GSDME: variants seen among roughly 807,000 people sequenced by gnomAD.
The protein encoded by GSDME is gasdermin-E.
Under a neutral mutation model 47.5 loss-of-function variants are expected in GSDME, and 44 were observed. The observed-to-expected ratio is 0.93, with a 90% CI of 0.73 to 1.19. GSDME has a LOEUF of 1.19. Among genes scored for constraint, GSDME ranks in the 50% most tolerant of loss-of-function variants. The pLI is 0.00. For missense variants in GSDME, 663 were observed against 604.2 expected, an observed-to-expected ratio of 1.10 and a Z score of -1.02; for synonymous variants, 258 against 252.8, an observed-to-expected ratio of 1.02 and a Z score of -0.20.
Position 24,745,530 on chromosome 7 carries a change from G to A in GSDME, c.212-776C>T, listed in dbSNP as rs1790641804. ...ACATGCCCTTTTTAAAATGATAAAT[G>A]TCTGATCTCATATCTGAACTGTCAG... On this transcript the variant is annotated intron_variant, in intron 2 of 9. Coordinates refer to ENST00000645220, the MANE Select transcript of GSDME (RefSeq NM_001127453.2). The surrounding 1 kb of genome is among the most constrained non-coding windows in gnomAD (Gnocchi z 4.4). Among the ~76,000 whole-genome samples the A allele has an allele frequency of 6.6e-6, 1 of 152,148 alleles. No homozygotes were observed. The highest frequency in any genetic ancestry group is 2.1e-4 in the South Asian group (1 of 4,830).
the GSDME span, among the ~76,000 whole-genome samples, chr7:24,766,409 C>T: frequency 6.6e-6 from 1 of 151,886 alleles, no homozygotes; most frequent in Non-Finnish European, 1.5e-5. This position sits in a 1 kb window ranked among gnomAD's most constrained non-coding sequence, Gnocchi z 4.2. Flanking sequence ...ACCCATCAAC[C>T]CATCATCTAC....
chr7:24,726,352 AGAGACACAG>A lies in GSDME; in HGVS notation c.405-7143_405-7135del, dbSNP rs1002382996. On this transcript the variant is annotated intron_variant, in intron 3 of 9. Transcript: ENST00000645220. This position sits in a 1 kb window ranked among gnomAD's most constrained non-coding sequence, Gnocchi z 5.6. ...AGGAGGTCCCGGGGATGCCTCCTGC[AGAGACACAG>A]GAGGGCGAGCTTTGTCATGCAGACC... Among the ~76,000 whole-genome samples, 1 of 152,192 alleles carries A rather than the reference AGAGACACAG, an allele frequency of 6.6e-6. No individual in the cohort carries two copies. The highest frequency in any genetic ancestry group is 2.4e-5 in the African/African-American group (1 of 41,430).
rs1327466189 is a variant in GSDME, at chr7:24,710,261, T to G, written c.825A>C (p.Ile275=). The G allele has an allele frequency of 6.2e-7, 1 of 1,614,038 alleles. No individual in the cohort carries two copies. The highest frequency in any genetic ancestry group is 8.5e-7 in the Non-Finnish European group (1 of 1,180,038). Residue 275 remains isoleucine (I), a synonymous_variant, in exon 6 of 10, where the codon ATA becomes ATC. Transcript: ENST00000645220. ...FIDMPDAAHG[I]SSQDGPLSVL... ...CACTTAATGGTCCATCCTGGGAAGA[T>G]ATCCCATGCGCAGCATCTGGCATGT...
In GSDME at chr7:24,706,306, T is replaced by G. The variant is rs573258363; in HGVS notation, c.1061A>C (p.Gln354Pro). 3.3e-5 allele frequency: 54 copies of G among 1,613,892 alleles called. No individual in the cohort carries two copies. The highest frequency in any genetic ancestry group is 3.4e-4 in the Middle Eastern group (2 of 5,950). The change falls in exon 8 of 10, where the codon CAG (glutamine) becomes CCG (proline). Residue 354 changes from glutamine (Q) to proline (P), a missense_variant. Coordinates refer to ENST00000645220, the MANE Select transcript of GSDME (RefSeq NM_001127453.2). ...CAGCTGCAGGAAGGCCACAAGGTCC[T>G]GCTGCTGCCGGGGCTTCAGCTCCCC... ...VLGELKPRQQ[Q>P]DLVAFLQLVG...
chr7:24,716,088 G>T lies in GSDME; in HGVS notation c.697+1166C>A, dbSNP rs1789542148. ...CGAGGGCAGGAGCTGTCTCACGGGA[G>T]ACTGCCCCCCACCCGCCTTCCACAA... On this transcript the variant is annotated intron_variant, in intron 5 of 9. Coordinates refer to ENST00000645220, the MANE Select transcript of GSDME (RefSeq NM_001127453.2). This position sits in a 1 kb window ranked among gnomAD's most constrained non-coding sequence, Gnocchi z 4.5. Among the ~76,000 whole-genome samples, 1 of 152,238 alleles carries T rather than the reference G, an allele frequency of 6.6e-6. No homozygotes were observed. Among genetic ancestry groups the T allele is most frequent in the South Asian group, 2.1e-4 (1 of 4,830 alleles).
Position 24,726,881 on chromosome 7 carries a change from C to T in GSDME, c.405-7663G>A, listed in dbSNP as rs902781752. ...ACCCTGGGGAGCCTGGTAAGGCTCTCCAAACCCCAGGGGACATCATGACAG... is the reference window on the plus strand; with the variant it reads ...ACCCTGGGGAGCCTGGTAAGGCTCTTCAAACCCCAGGGGACATCATGACAG... On this transcript the variant is annotated intron_variant, in intron 3 of 9. Coordinates refer to ENST00000645220, the MANE Select transcript of GSDME (RefSeq NM_001127453.2). The surrounding 1 kb of genome is among the most constrained non-coding windows in gnomAD (Gnocchi z 5.6). 6.6e-6 allele frequency among the ~76,000 whole-genome samples: 1 copy of T among 151,680 alleles called. No homozygotes were observed. Among genetic ancestry groups the T allele is most frequent in the South Asian group, 2.1e-4 (1 of 4,786 alleles).
the GSDME span, among the ~76,000 whole-genome samples, chr7:24,790,259 T>G: frequency 6.6e-6 from 1 of 152,252 alleles, no homozygotes; most frequent in Non-Finnish European, 1.5e-5. This position sits in a 1 kb window ranked among gnomAD's most constrained non-coding sequence, Gnocchi z 4.1. Context: ...TGATTATTTC[T>G]AAGACAGCTT....
rs746912816 is a variant in GSDME at position 24,708,202 on chromosome 7, T to A, written c.915A>T (p.Pro305=). 2 of 1,614,174 alleles carry A rather than the reference T, an allele frequency of 1.2e-6. No homozygotes were observed. Among genetic ancestry groups the A allele is most frequent in the Non-Finnish European group, 1.7e-6 (2 of 1,180,026 alleles). Residue 305 remains proline, a synonymous_variant, in exon 7 of 10, where the codon CCA becomes CCT. Coordinates refer to ENST00000645220, the MANE Select transcript of GSDME (RefSeq NM_001127453.2). ...NFHPFAELPE[P]QQTALSDIFQ... ...AGATGTCACTCAAAGCTGTCTGTTG[T>A]GGCTCAGGCAGCTCCGCAAATGGAT...
the GSDME span, among the ~76,000 whole-genome samples, chr7:24,776,985 A>G: frequency 7.2e-5 from 11 of 152,250 alleles, no homozygotes; most frequent in African/African-American, 2.6e-4. Flanking sequence ...ATTATTAAAA[A>G]TGTTTCTAGT....
At chr7:24,730,606 G>A (rs1562704642) in intron 3 of GSDME, among the ~76,000 whole-genome samples, 1 of 152,128 alleles carries the variant, frequency 6.6e-6, no homozygotes, top group Non-Finnish European at 1.5e-5. Context: ...CACAAGGTCA[G>A]GAGTTCAAGA....
Position 24,732,108 on chromosome 7 carries a change from C to A in GSDME, c.404+12454G>T, listed in dbSNP as rs1790165865. On this transcript the variant is annotated intron_variant, in intron 3 of 9. Coordinates refer to ENST00000645220, the MANE Select transcript of GSDME (RefSeq NM_001127453.2). This position sits in a 1 kb window ranked among gnomAD's most constrained non-coding sequence, Gnocchi z 4.8. ...GCAAAAAGAGAATCAGCGACAGGAC[C>A]AGAATCAGGGAACTCATGTTCTCCA... 6.6e-6 allele frequency among the ~76,000 whole-genome samples: 1 copy of A among 152,144 alleles called. No individual in the cohort carries two copies. Among genetic ancestry groups the A allele is most frequent in the Non-Finnish European group, 1.5e-5 (1 of 68,036 alleles).
chr7:24,716,911 G>T lies in GSDME; in HGVS notation c.697+343C>A. ...TCAGCAACTTGCCTGAGACCTCATAGGACATCATGGCACCGGGGTTGATGC... is the reference window on the plus strand; with the variant it reads ...TCAGCAACTTGCCTGAGACCTCATATGACATCATGGCACCGGGGTTGATGC... On this transcript the variant is annotated intron_variant, in intron 5 of 9. Transcript: ENST00000645220. The surrounding 1 kb of genome is among the most constrained non-coding windows in gnomAD (Gnocchi z 4.5). 2.7e-6 allele frequency: 1 copy of T among 368,440 alleles called. No individual in the cohort carries two copies. The highest frequency in any genetic ancestry group is 2.3e-5 in the South Asian group (1 of 42,896). 22.8% of individuals were successfully genotyped at this position (368,440 alleles called of 1,614,324 possible). A position where few individuals can be genotyped will look rare whatever the true frequency, so the allele number is the denominator to read the frequency against.
rs928379860 is a variant in GSDME at position 24,739,104 on chromosome 7, C to A, written c.404+5458G>T. ...TTTCTTGAGTAACATCCCACAGACA[C>A]GAACCACTAAAGCAAAAATGGACAA... On this transcript the variant is annotated intron_variant, in intron 3 of 9. Coordinates refer to ENST00000645220, the MANE Select transcript of GSDME (RefSeq NM_001127453.2). The surrounding 1 kb of genome is among the most constrained non-coding windows in gnomAD (Gnocchi z 5.1). Among the ~76,000 whole-genome samples, 3 of 152,068 alleles carry A rather than the reference C, an allele frequency of 2.0e-5. No individual in the cohort carries two copies. The highest frequency in any genetic ancestry group is 2.9e-5 in the Non-Finnish European group (2 of 67,994).
At chr7:24,788,263 C>G in the GSDME span, among the ~76,000 whole-genome samples, 4 of 152,190 alleles carry the variant, frequency 2.6e-5, no homozygotes, top group Admixed American at 2.6e-4. This position sits in a 1 kb window ranked among gnomAD's most constrained non-coding sequence, Gnocchi z 4.6. Flanking sequence ...CGGGTTCAGC[C>G]ACTAGGGGGC....
chr7:24,727,865 G>A (rs552032228), intron 3 of GSDME, among the ~76,000 whole-genome samples: 3 of 152,302 alleles, frequency 2.0e-5, no homozygotes, highest in African/African-American at 7.2e-5. Context: ...TTTTGACAAC[G>A]AAGGCAGGAG....
chr7:24,768,005 T>TC, the GSDME span, among the ~76,000 whole-genome samples: 1 of 152,190 alleles, frequency 6.6e-6, no homozygotes, highest in Non-Finnish European at 1.5e-5. The surrounding 1 kb of genome is among the most constrained non-coding windows in gnomAD (Gnocchi z 5.6). Flanking sequence ...TCAAGTGTCA[T>TC]CATTAGCAAA....
At chr7:24,794,157 T>G in the GSDME span, among the ~76,000 whole-genome samples, 12 of 150,580 alleles carry the variant, frequency 8.0e-5, no homozygotes, top group Admixed American at 7.9e-4. Flanking sequence ...CTTTCTCTCT[T>G]TGACTTCCTT....
intron 9 of GSDME, among the ~76,000 whole-genome samples, chr7:24,700,908 A>G (rs979555608): frequency 3.3e-5 from 5 of 152,148 alleles, no homozygotes; most frequent in African/African-American, 1.2e-4. Flanking sequence ...TTTTCTAAAT[A>G]TCCACCACCC....
chr7:24,702,837 C>T lies in GSDME; in HGVS notation c.1184-4G>A, dbSNP rs746682078. The T allele has an allele frequency of 1.2e-6, 2 of 1,612,126 alleles. No individual in the cohort carries two copies. Among genetic ancestry groups the T allele is most frequent in the East Asian group, 4.5e-5 (2 of 44,766 alleles). Reference sequence around the variant, plus strand: ...GCTGCTGCGCTATCTGGCATTTCTGCAGGAGAGAAAAATCACAGTCACAGT... The same window carrying T: ...GCTGCTGCGCTATCTGGCATTTCTGTAGGAGAGAAAAATCACAGTCACAGT... On this transcript the variant is annotated splice_polypyrimidine_tract_variant and splice_region_variant and intron_variant, in intron 8 of 9. Transcript: ENST00000645220.
Sources: allele counts gnomAD v4.1 joint callset (sites outside exome capture counted in the v4.1 genomes callset), GRCh38; gene constraint gnomAD v4.1.1; non-coding constraint Gnocchi (gnomAD v3.1); transcripts MANE v1.5; gene names NCBI Gene and HGNC (gene_info 2026-07-23, HGNC 2026-07-21).